Variants in SPAG16 observed in about 807,000 individuals in gnomAD.
SPAG16 encodes sperm associated antigen 16.
In SPAG16, 86 loss-of-function variants were observed where a neutral mutation model predicts 80.4. That is an observed-to-expected ratio of 1.07 (90% confidence interval 0.90 to 1.28). The LOEUF is 1.28. Among genes scored for constraint, SPAG16 ranks in the 50% most tolerant of loss-of-function variants. SPAG16 has a pLI of 0.00. For synonymous variants in SPAG16, 294 were observed against 265.9 expected, an observed-to-expected ratio of 1.11 and a Z score of -1.03; for missense variants, 870 against 765.3, an observed-to-expected ratio of 1.14 and a Z score of -1.61.
intron 13 of SPAG16, among the ~76,000 whole-genome samples, chr2:214,041,476 A>G (rs1449250947): frequency 6.7e-6 from 1 of 150,334 alleles, no homozygotes; most frequent in Non-Finnish European, 1.5e-5. Flanking sequence ...AATCATGGCT[A>G]AAAAATGTCC....
chr2:213,903,331 T>G (rs748730266), intron 11 of SPAG16, among the ~76,000 whole-genome samples: 9 of 152,314 alleles, frequency 5.9e-5, no homozygotes, highest in Non-Finnish European at 1.2e-4. Context: ...ATCCAGGTGT[T>G]TCTATACATC....
At chr2:214,389,755 C>G (rs566495348) in intron 15 of SPAG16, among the ~76,000 whole-genome samples, 3 of 152,326 alleles carry the variant, frequency 2.0e-5, no homozygotes, top group East Asian at 1.9e-4. Context: ...TCCATTTTTA[C>G]TAAATATTAC....
At chr2:213,823,034 G>T (rs761497991) in intron 10 of SPAG16, among the ~76,000 whole-genome samples, 5 of 152,046 alleles carry the variant, frequency 3.3e-5, no homozygotes, top group African/African-American at 1.2e-4. Flanking sequence ...TGCAATAAAC[G>T]TAAGTGTGCA....
chr2:213,859,218 T>TAAAAAAAAAAAAA (rs1575378884), intron 10 of SPAG16, among the ~76,000 whole-genome samples: 1 of 16,904 alleles, frequency 5.9e-5, no homozygotes, highest in Non-Finnish European at 1.3e-4. Flanking sequence ...AAAAAAAAAC[T>TAAAAAAAAAAAAA]CAATGTCCTC....
chr2:213,631,513 G>A (rs1484122209), intron 10 of SPAG16, among the ~76,000 whole-genome samples: 1 of 152,156 alleles, frequency 6.6e-6, no homozygotes, highest in African/African-American at 2.4e-5. Context: ...AGTCTCGTGG[G>A]AAGTGATTGA....
At chr2:213,382,559 T>C (rs1306994863) in intron 9 of SPAG16, among the ~76,000 whole-genome samples, 1 of 152,232 alleles carries the variant, frequency 6.6e-6, no homozygotes, top group Non-Finnish European at 1.5e-5. Context: ...GAGAATTGTC[T>C]TATATCCTGG....
chr2:214,161,490 C>T (rs1047203859), intron 15 of SPAG16, among the ~76,000 whole-genome samples: 7 of 152,088 alleles, frequency 4.6e-5, no homozygotes, highest in Non-Finnish European at 2.9e-5. Flanking sequence ...TTAATAATTG[C>T]CATTCTAACT....
intron 12 of SPAG16, among the ~76,000 whole-genome samples, chr2:213,941,787 A>G (rs971971351): frequency 6.6e-5 from 10 of 151,908 alleles, no homozygotes; most frequent in African/African-American, 2.2e-4. Flanking sequence ...CTCTCATCAT[A>G]TTTTGAATAA....
At chr2:213,530,686 A>G (rs530862390) in intron 10 of SPAG16, among the ~76,000 whole-genome samples, 16 of 152,190 alleles carry the variant, frequency 1.1e-4, no homozygotes, top group African/African-American at 2.4e-4. Context: ...AATAATATGA[A>G]CACTTCCAAG....
intron 10 of SPAG16, among the ~76,000 whole-genome samples, chr2:213,636,874 T>C (rs2062382746): frequency 6.6e-6 from 1 of 152,216 alleles, no homozygotes; most frequent in Non-Finnish European, 1.5e-5. Flanking sequence ...TAGGGGTTTC[T>C]AGGTGTATGA....
intron 13 of SPAG16, among the ~76,000 whole-genome samples, chr2:214,056,852 G>A (rs2049970889): frequency 6.6e-6 from 1 of 152,110 alleles, no homozygotes; most frequent in African/African-American, 2.4e-5. Flanking sequence ...TAAATCCTTT[G>A]TTGTAATTTC....
At chr2:214,364,474 T>C (rs368868183) in intron 15 of SPAG16, among the ~76,000 whole-genome samples, 44 of 152,252 alleles carry the variant, frequency 2.9e-4, no homozygotes, top group African/African-American at 1.0e-3. Flanking sequence ...TATGCTACTG[T>C]TTGCCTTATT....
At chr2:213,442,594 G>T (rs2071037700) in intron 9 of SPAG16, among the ~76,000 whole-genome samples, 1 of 152,164 alleles carries the variant, frequency 6.6e-6, no homozygotes, top group African/African-American at 2.4e-5. Context: ...GAACAGAATA[G>T]AGTGGCCAAC....
intron 10 of SPAG16, among the ~76,000 whole-genome samples, chr2:213,777,459 T>G (rs1221024100): frequency 6.6e-6 from 1 of 151,524 alleles, no homozygotes; most frequent in Non-Finnish European, 1.5e-5. Context: ...CAGGCTGGAG[T>G]GCAGTGGCGC....
chr2:214,228,202 A>G (rs1688413764), intron 15 of SPAG16, among the ~76,000 whole-genome samples: 1 of 151,976 alleles, frequency 6.6e-6, no homozygotes, highest in East Asian at 1.9e-4. Flanking sequence ...TTGCAAATCA[A>G]TTATTATTCA....
chr2:214,124,735 C>T (rs566349154), intron 14 of SPAG16, among the ~76,000 whole-genome samples: 105 of 151,878 alleles, frequency 6.9e-4, no homozygotes, highest in Non-Finnish European at 1.1e-3. Context: ...TGCAAAACCA[C>T]GGGCAGAACA....
intron 10 of SPAG16, among the ~76,000 whole-genome samples, chr2:213,576,822 A>C (rs2060143370): frequency 6.6e-6 from 1 of 152,114 alleles, no homozygotes. Context: ...GGGGAACAAA[A>C]CACACTGGGG....
chr2:213,663,378 AT>A (rs1312867108), intron 10 of SPAG16, among the ~76,000 whole-genome samples: 1 of 152,122 alleles, frequency 6.6e-6, no homozygotes, highest in Non-Finnish European at 1.5e-5. Context: ...ATTTAAAAAA[AT>A]AAACAGTAAG....
At chr2:214,042,007 T>TATATATATATACACAC (rs1371293247) in intron 13 of SPAG16, among the ~76,000 whole-genome samples, 2 of 101,224 alleles carry the variant, frequency 2.0e-5, no homozygotes, top group Non-Finnish European at 3.8e-5. Flanking sequence ...TATATATATA[T>TATATATATATACACAC]ACACACACAC....
Sources: gnomAD v4.1 joint callset for allele counts (sites outside exome capture counted in the v4.1 genomes callset) on GRCh38, gnomAD v4.1.1 for gene constraint, MANE v1.5 for transcripts, NCBI Gene and HGNC (gene_info 2026-07-23, HGNC 2026-07-21) for gene names.